Variants in ANKH observed in about 807,000 individuals in gnomAD.
ANKH encodes ANKH inorganic pyrophosphate transport regulator.
In ANKH, 15 loss-of-function variants were observed where a neutral mutation model predicts 49.0. The observed-to-expected ratio is 0.31, with a 90% CI of 0.20 to 0.47. The LOEUF is 0.47. Among genes scored for constraint, ANKH ranks in the 20% least tolerant of loss-of-function variants. The pLI is 1.00. For synonymous variants in ANKH, 273 were observed against 260.0 expected (o/e 1.05, Z -0.48); for missense variants, 429 against 652.0 (o/e 0.66, Z 3.72).
intron 1 of ANKH, among the ~76,000 whole-genome samples, chr5:14,786,003 G>A (rs1739962449): frequency 1.5e-5 from 2 of 131,996 alleles, no homozygotes; most frequent in South Asian, 2.4e-4. Context: ...CCGAGATCAC[G>A]CCACTGTATT....
intron 1 of ANKH, among the ~76,000 whole-genome samples, chr5:14,778,206 T>C (rs1413941794): frequency 6.6e-6 from 1 of 152,248 alleles, no homozygotes; most frequent in Non-Finnish European, 1.5e-5. Context: ...GCATTCTTGC[T>C]GTCCACACCA....
In ANKH at chr5:14,737,264, A is replaced by G. The variant is rs1463394438; in HGVS notation, c.1011+4563T>C. 6.6e-6 allele frequency among the ~76,000 whole-genome samples: 1 copy of G among 152,184 alleles called. No individual in the cohort carries two copies. Among genetic ancestry groups the G allele is most frequent in the Non-Finnish European group, 1.5e-5 (1 of 68,032 alleles). ...AAAGGACTGTTGGAAGATACAGCCC[A>G]TGCCGGTGAGTGGTTTCTATCTTAT... On this transcript the variant is annotated intron_variant, in intron 8 of 11. Coordinates refer to ENST00000284268, the MANE Select transcript of ANKH (RefSeq NM_054027.6). This position sits in a 1 kb window ranked among gnomAD's most constrained non-coding sequence, Gnocchi z 5.0.
rs150933674 is a variant in ANKH, at chr5:14,719,521, T to C, written c.1012-2686A>G. Among the ~76,000 whole-genome samples, 12 of 152,262 alleles carry C rather than the reference T, an allele frequency of 7.9e-5. No homozygotes were observed. In the East Asian group the frequency reaches 2.3e-3, roughly 29 times the overall value. On this transcript the variant is annotated intron_variant, in intron 8 of 11. Coordinates refer to ENST00000284268, the MANE Select transcript of ANKH (RefSeq NM_054027.6). ...GCAGGGAGAAAAAGGCTCCGAGAGA[T>C]GCTAACTACCTAATGTGCTTGAATA...
rs749003605 is a variant in ANKH at position 14,751,110 on chromosome 5, T to C, written c.646A>G (p.Ile216Val). 5 of 1,614,272 alleles carry C rather than the reference T, an allele frequency of 3.1e-6. No homozygotes were observed. Among genetic ancestry groups the C allele is most frequent in the Non-Finnish European group, 4.2e-6 (5 of 1,180,048 alleles). The change falls in exon 5 of 12, where the codon ATT becomes GTT. Residue 216 changes from isoleucine to valine, a missense_variant. Transcript: ENST00000284268. ...TTLCLGYYKN[I>V]HDIIPDRSGP... ...CTTCTGTCAGGGATGATGTCGTGAA[T>C]GTTCTTGTAGTAGCCCAGGCACAGG...
chr5:14,858,434 G>A (rs1197847520), intron 1 of ANKH, among the ~76,000 whole-genome samples: 1 of 152,160 alleles, frequency 6.6e-6, no homozygotes, highest in Non-Finnish European at 1.5e-5. Flanking sequence ...TATACGCATA[G>A]TGCCAGATGT....
rs1325524765 is a variant in ANKH, at chr5:14,712,918, A to T, written c.1321T>A (p.Ser441Thr). 6.2e-7 allele frequency: 1 copy of T among 1,613,382 alleles called. No homozygotes were observed. Among genetic ancestry groups the T allele is most frequent in the Non-Finnish European group, 8.5e-7 (1 of 1,179,878 alleles). The change falls in exon 11 of 12, where the codon TCC (serine) becomes ACC (threonine). Residue 441 changes from serine to threonine, a missense_variant. Ser to Thr is a moderately conservative substitution (Grantham distance 58). Coordinates refer to ENST00000284268, the MANE Select transcript of ANKH (RefSeq NM_054027.6). ...CACGCAGCGATGGCGACCATGGTGG[A>T]TTCTCCCACAAAGCCCGCCAGGAGG... Reference protein sequence around the residue: ...GSLLAGFVGESTMVAIAACYV... With the variant: ...GSLLAGFVGETTMVAIAACYV...
intron 1 of ANKH, among the ~76,000 whole-genome samples, chr5:14,861,458 TC>T (rs774344597): frequency 1.3e-5 from 2 of 152,152 alleles, no homozygotes; most frequent in Non-Finnish European, 2.9e-5. Flanking sequence ...TCTTTGAAAC[TC>T]CCTATCTGAG....
At chr5:14,785,187 G>A (rs1031014417) in intron 1 of ANKH, among the ~76,000 whole-genome samples, 9 of 152,002 alleles carry the variant, frequency 5.9e-5, no homozygotes, top group Admixed American at 3.9e-4. Flanking sequence ...CAAAAAAGAC[G>A]AATATCCATA....
intron 7 of ANKH, among the ~76,000 whole-genome samples, chr5:14,744,743 G>C (rs983955360): frequency 2.0e-5 from 3 of 152,256 alleles, no homozygotes; most frequent in African/African-American, 7.2e-5. Flanking sequence ...TGGTGGGGGA[G>C]AGGGGGTCCC....
rs941471697 is a variant in ANKH at position 14,713,139 on chromosome 5, G to A, written c.1266-166C>T. On this transcript the variant is annotated intron_variant, in intron 10 of 11. Coordinates refer to ENST00000284268, the MANE Select transcript of ANKH (RefSeq NM_054027.6). This position sits in a 1 kb window ranked among gnomAD's most constrained non-coding sequence, Gnocchi z 4.4. ...CCGCAGCTAATAACCTAATGTGTGA[G>A]GGGAACCAGGAACTCGGGGCTGGGC... 3.3e-5 allele frequency among the ~76,000 whole-genome samples: 5 copies of A among 152,192 alleles called. No individual in the cohort carries two copies. The highest frequency in any genetic ancestry group is 1.2e-4 in the African/African-American group (5 of 41,454).
chr5:14,867,361 T>C (rs1735677286), intron 1 of ANKH, among the ~76,000 whole-genome samples: 1 of 152,124 alleles, frequency 6.6e-6, no homozygotes, highest in Non-Finnish European at 1.5e-5. Flanking sequence ...TTTCCTCATA[T>C]ATATCATATG....
intron 1 of ANKH, among the ~76,000 whole-genome samples, chr5:14,844,470 T>G (rs541926045): frequency 6.6e-6 from 1 of 152,358 alleles, no homozygotes; most frequent in Admixed American, 6.5e-5. Flanking sequence ...GCTGTTTCTA[T>G]CTAAACTGCA....
At position 14,862,671 on chromosome 5, in the gene ANKH, G is replaced by A. The variant is rs375467887; in HGVS notation, c.96+8681C>T. 2.8e-4 allele frequency among the ~76,000 whole-genome samples: 43 copies of A among 152,174 alleles called. 1 individual carries two copies. The highest frequency in any genetic ancestry group is 1.7e-3 in the East Asian group (9 of 5,192). ...CTCTGCTGCAATTAGTGAGCACCTC[G>A]TTGTGTGTCATAATAAACTCTGCTG... On this transcript the variant is annotated intron_variant, in intron 1 of 11. Coordinates refer to ENST00000284268, the MANE Select transcript of ANKH (RefSeq NM_054027.6).
intron 1 of ANKH, among the ~76,000 whole-genome samples, chr5:14,822,991 G>A (rs1251920360): frequency 2.0e-5 from 3 of 151,090 alleles, no homozygotes; most frequent in Admixed American, 1.3e-4. Flanking sequence ...CCGAGATCAC[G>A]CCACTGCACT....
At chr5:14,747,322 A>G (rs115153029) in intron 6 of ANKH, among the ~76,000 whole-genome samples, 2,444 of 152,332 alleles carry the variant, frequency 0.016, 28 homozygotes, top group Non-Finnish European at 0.024. Context: ...GCTTAAGCCT[A>G]TAATCCCAGC....
intron 1 of ANKH, among the ~76,000 whole-genome samples, chr5:14,801,891 C>G (rs542346192): frequency 3.3e-5 from 5 of 152,264 alleles, no homozygotes; most frequent in Admixed American, 1.3e-4. Context: ...TAGAAAAATG[C>G]CATCATGCAT....
chr5:14,775,870 C>T (rs1449527224), intron 1 of ANKH, among the ~76,000 whole-genome samples: 11 of 152,134 alleles, frequency 7.2e-5, no homozygotes, highest in Non-Finnish European at 1.5e-4. Context: ...TGCCACTGGC[C>T]TTTGTGATAG....
chr5:14,759,467 C>T (rs1739002877), intron 2 of ANKH, among the ~76,000 whole-genome samples: 1 of 152,068 alleles, frequency 6.6e-6, no homozygotes, highest in Non-Finnish European at 1.5e-5. Context: ...ATAAAAATAA[C>T]AGGCCAGGCA....
intron 1 of ANKH, among the ~76,000 whole-genome samples, chr5:14,838,275 A>C (rs1580107734): frequency 6.6e-6 from 1 of 151,330 alleles, no homozygotes; most frequent in Non-Finnish European, 1.5e-5. Context: ...TAAAAAAATT[A>C]CCTAACGCTA....
Sources: gnomAD v4.1 joint callset for allele counts (sites outside exome capture counted in the v4.1 genomes callset) on GRCh38, gnomAD v4.1.1 for gene constraint, Gnocchi (gnomAD v3.1) non-coding constraint, MANE v1.5 for transcripts, NCBI Gene and HGNC (gene_info 2026-07-23, HGNC 2026-07-21) for gene names.